PCDH15: variants seen among roughly 807,000 people sequenced by gnomAD.
PCDH15 encodes the protein protocadherin related 15.
A neutral mutation model predicts 178.5 loss-of-function variants in PCDH15; 129 were observed. The ratio of observed to expected loss-of-function variants is 0.72; its 90% CI spans 0.63 to 0.84. PCDH15 has a LOEUF of 0.84. PCDH15 is among the 40% of genes least tolerant of loss of function. PCDH15 has a pLI of 0.00. For missense variants in PCDH15, 2,230 were observed against 2,099.9 expected (o/e 1.06, Z -1.21); for synonymous variants, 800 against 732.0 (o/e 1.09, Z -1.50).
intron 2 of PCDH15, among the ~76,000 whole-genome samples, chr10:54,550,090 A>C (rs1037106580): frequency 6.6e-6 from 1 of 152,164 alleles, no homozygotes; most frequent in Non-Finnish European, 1.5e-5. Context: ...GTGGATTTTA[A>C]AGCTTTCTTA....
chr10:54,132,820 G>C (rs2042547904), intron 15 of PCDH15, 55 bp downstream of exon 15: 5 of 1,560,620 alleles, frequency 3.2e-6, no homozygotes, highest in African/African-American at 1.4e-5. Flanking sequence ...TAAATGCCAA[G>C]CTTGTCACTT....
intron 2 of PCDH15, among the ~76,000 whole-genome samples, chr10:54,590,673 T>C (rs755907705): frequency 6.6e-6 from 1 of 152,158 alleles, no homozygotes; most frequent in Non-Finnish European, 1.5e-5. Flanking sequence ...TAGAAATCTG[T>C]TAAAGACCCT....
chr10:54,622,936 A>T (rs964621751), intron 2 of PCDH15, among the ~76,000 whole-genome samples: 2 of 149,302 alleles, frequency 1.3e-5, no homozygotes, highest in East Asian at 4.0e-4. Context: ...CATTCTCCCA[A>T]GACCTGCTGC....
At chr10:54,528,034 A>C (rs1431626722) in intron 2 of PCDH15, among the ~76,000 whole-genome samples, 157 bp from the exon 3 acceptor site, 1 of 152,090 alleles carries the variant, frequency 6.6e-6, no homozygotes, top group African/African-American at 2.4e-5. Flanking sequence ...AACATTTTAT[A>C]ATAACCACAT....
chr10:54,828,639 C>G (rs975015900), intron 3 of PCDH15, among the ~76,000 whole-genome samples: 2 of 151,938 alleles, frequency 1.3e-5, no homozygotes, highest in African/African-American at 4.8e-5. Context: ...TTATTTCATT[C>G]ATTACTTTCA....
At chr10:54,860,296 T>C (rs1218495885) in intron 3 of PCDH15, among the ~76,000 whole-genome samples, 1 of 152,030 alleles carries the variant, frequency 6.6e-6, no homozygotes, top group African/African-American at 2.4e-5. Flanking sequence ...CCTTGCCCCT[T>C]CCCCCTCCTC....
intron 2 of PCDH15, among the ~76,000 whole-genome samples, chr10:55,497,822 T>C (rs565775427): frequency 2.6e-5 from 4 of 151,818 alleles, no homozygotes; most frequent in Admixed American, 2.0e-4. Flanking sequence ...ATCACATATC[T>C]GGCAAGATGA....
At chr10:54,494,129 T>C (rs2137207184) in intron 3 of PCDH15, among the ~76,000 whole-genome samples, 1 of 151,756 alleles carries the variant, frequency 6.6e-6, no homozygotes, top group Admixed American at 6.6e-5. Context: ...GAGATATACC[T>C]AATGCTAAAT....
intron 2 of PCDH15, among the ~76,000 whole-genome samples, chr10:55,384,424 T>TA (rs1837606100): frequency 6.6e-6 from 1 of 151,990 alleles, no homozygotes; most frequent in Non-Finnish European, 1.5e-5. Context: ...TTATCTCAAA[T>TA]AAAAACACTA....
Position 55,004,439 on chromosome 10 carries a change from T to G in PCDH15, c.-79-106939A>C, listed in dbSNP as rs150813018. ...TCTCAAAACTTACATTTGTCTTATC[T>G]GAATTCCTTTCTCAGGAAATCAACC... On this transcript the variant is annotated intron_variant, in intron 2 of 5. Transcript: ENST00000458638. Among the ~76,000 whole-genome samples, 11 of 152,262 alleles carry G rather than the reference T, an allele frequency of 7.2e-5. No homozygotes were observed. The East Asian group carries it at 1.5e-3, about 21-fold the overall frequency.
At chr10:54,011,659 A>G (rs555871817) in intron 20 of PCDH15, among the ~76,000 whole-genome samples, 14 of 152,312 alleles carry the variant, frequency 9.2e-5, no homozygotes, top group African/African-American at 3.1e-4. Context: ...CTGCTGGATC[A>G]CAGCCCAAAC....
intron 3 of PCDH15, among the ~76,000 whole-genome samples, chr10:54,868,736 G>A (rs1046821443): frequency 3.9e-5 from 6 of 152,058 alleles, no homozygotes; most frequent in African/African-American, 1.2e-4. Flanking sequence ...AGTCAATATA[G>A]ATTAGTAGAA....
rs114616498 is a variant in PCDH15, at chr10:55,593,477, G to A, written c.-156+34148C>T. 6.5e-3 allele frequency among the ~76,000 whole-genome samples: 985 copies of A among 151,830 alleles called. 7 individuals are homozygous for A. The highest frequency in any genetic ancestry group is 0.022 in the African/African-American group (903 of 41,484). ...ATAATATATCCGAGAAGATAAAGAC[G>A]AATTACACTTTATCTGACAAAAGAG... On this transcript the variant is annotated intron_variant, in intron 2 of 5. Transcript: ENST00000613346.
At chr10:55,360,449 T>C (rs1845200850) in intron 2 of PCDH15, among the ~76,000 whole-genome samples, 1 of 151,782 alleles carries the variant, frequency 6.6e-6, no homozygotes, top group African/African-American at 2.4e-5. Context: ...GTAAGTACAA[T>C]GACAAGCCAC....
At chr10:54,724,011 C>T (rs186166144) in intron 1 of PCDH15, among the ~76,000 whole-genome samples, 4 of 151,584 alleles carry the variant, frequency 2.6e-5, no homozygotes, top group African/African-American at 4.8e-5. Context: ...GTAGAACTAC[C>T]GTTCAACCCA....
At chr10:55,279,587 T>C (rs1012580319) in intron 1 of PCDH15, among the ~76,000 whole-genome samples, 4 of 152,190 alleles carry the variant, frequency 2.6e-5, no homozygotes, top group Non-Finnish European at 5.9e-5. Context: ...TTGAAATTCT[T>C]CAGAATTTTT....
At chr10:54,195,401 T>C (rs982724388) in intron 11 of PCDH15, among the ~76,000 whole-genome samples, 2 of 152,162 alleles carry the variant, frequency 1.3e-5, no homozygotes, top group Admixed American at 6.5e-5. Context: ...TCTCAACATA[T>C]GTTAATAAAA....
intron 2 of PCDH15, among the ~76,000 whole-genome samples, chr10:55,072,344 C>T (rs1244277127): frequency 1.3e-5 from 2 of 151,954 alleles, no homozygotes; most frequent in Non-Finnish European, 2.9e-5. Flanking sequence ...AATTGATAGA[C>T]CACTAGCAAG....
Position 55,146,975 on chromosome 10 carries a change from T to C in PCDH15, c.-80+19601A>G, listed in dbSNP as rs149793618. On this transcript the variant is annotated intron_variant, in intron 2 of 5. Coordinates refer to the PCDH15 transcript ENST00000458638. ...ATGCAAAACAAAGAAATAATCTATT[T>C]TAAAAAGAATCTATTTTATTACTTT... Among the ~76,000 whole-genome samples, 921 of 151,778 alleles carry C rather than the reference T, an allele frequency of 6.1e-3. 13 individuals are homozygous for C. The highest frequency in any genetic ancestry group is 0.021 in the African/African-American group (859 of 41,492).
Sources: allele counts gnomAD v4.1 joint callset (sites outside exome capture counted in the v4.1 genomes callset), GRCh38; gene constraint gnomAD v4.1.1; transcripts MANE v1.5; gene names NCBI Gene and HGNC (gene_info 2026-07-23, HGNC 2026-07-21).